Variants in KCNIP4 observed in about 807,000 individuals in gnomAD.
KCNIP4 encodes potassium voltage-gated channel interacting protein 4.
KCNIP4 carries 12 observed loss-of-function variants against 34.0 expected under a neutral mutation model. The ratio of observed to expected loss-of-function variants is 0.35; its 90% CI spans 0.23 to 0.57. The LOEUF (loss-of-function observed/expected upper bound fraction) is 0.57. Among genes scored for constraint, KCNIP4 ranks in the 20% least tolerant of loss-of-function variants. The pLI is 0.83. For missense variants in KCNIP4, 238 were observed against 311.7 expected (o/e 0.76, Z 1.78); for synonymous variants, 124 against 102.2 (o/e 1.21, Z -1.29).
At position 20,836,740 on chromosome 4, in the gene KCNIP4, C is replaced by G. The variant is rs543420950; in HGVS notation, c.288+13803G>C. Among the ~76,000 whole-genome samples, 5 of 152,234 alleles carry G rather than the reference C, an allele frequency of 3.3e-5. No individual in the cohort carries two copies. The South Asian group carries it at 1.0e-3, about 32-fold the overall frequency. ...TAATCACATCTACAAAATATCTTCACAGTAAAATATAGATTAGTATTTGAC... is the reference window on the plus strand; with the variant it reads ...TAATCACATCTACAAAATATCTTCAGAGTAAAATATAGATTAGTATTTGAC... On this transcript the variant is annotated intron_variant, in intron 3 of 8. Coordinates refer to ENST00000382152, the MANE Select transcript of KCNIP4 (RefSeq NM_025221.6).
At chr4:20,824,795 G>A (rs1368861893) in intron 3 of KCNIP4, among the ~76,000 whole-genome samples, 2 of 149,322 alleles carry the variant, frequency 1.3e-5, no homozygotes, top group Non-Finnish European at 3.0e-5. Flanking sequence ...TTAAAGGATT[G>A]TCCCATGTAA....
chr4:21,524,900 A>T (rs1033582138), intron 1 of KCNIP4, among the ~76,000 whole-genome samples: 1 of 152,152 alleles, frequency 6.6e-6, no homozygotes, highest in Non-Finnish European at 1.5e-5. Context: ...TACTTGAACA[A>T]CCACAAATTC....
At chr4:21,172,031 G>T (rs1754055606) in intron 1 of KCNIP4, among the ~76,000 whole-genome samples, 1 of 152,054 alleles carries the variant, frequency 6.6e-6, no homozygotes, top group African/African-American at 2.4e-5. Flanking sequence ...ATGTTGTTTT[G>T]TTTTGTTTTG....
chr4:21,904,469 C>T (rs967938186), intron 1 of KCNIP4, among the ~76,000 whole-genome samples: 10 of 152,168 alleles, frequency 6.6e-5, no homozygotes, highest in Non-Finnish European at 1.3e-4. Context: ...ATTCATTTTG[C>T]TTTCCTTAAA....
At chr4:20,811,505 G>T (rs1715750398) in intron 3 of KCNIP4, among the ~76,000 whole-genome samples, 2 of 96,810 alleles carry the variant, frequency 2.1e-5, no homozygotes, top group African/African-American at 7.1e-5. Flanking sequence ...GTGTGTGTGT[G>T]TGTGTGTGTG....
chr4:21,360,832 A>AGAC (rs1210255026), intron 1 of KCNIP4, among the ~76,000 whole-genome samples: 1 of 152,138 alleles, frequency 6.6e-6, no homozygotes, highest in African/African-American at 2.4e-5. Flanking sequence ...GGTCATGTTT[A>AGAC]GACAACAGGA....
chr4:20,836,800 C>T (rs1231499209), intron 3 of KCNIP4, among the ~76,000 whole-genome samples: 3 of 151,976 alleles, frequency 2.0e-5, no homozygotes, highest in African/African-American at 7.2e-5. Context: ...GCTTAGTTGA[C>T]ATATAAAACT....
intron 1 of KCNIP4, among the ~76,000 whole-genome samples, chr4:21,813,252 T>C (rs1443581799): frequency 2.0e-5 from 3 of 152,212 alleles, no homozygotes; most frequent in African/African-American, 4.8e-5. Flanking sequence ...CTAGCATCAG[T>C]TTCTATTTTC....
chr4:21,817,094 T>C (rs921717489), intron 1 of KCNIP4, among the ~76,000 whole-genome samples: 5 of 152,178 alleles, frequency 3.3e-5, no homozygotes, highest in Non-Finnish European at 5.9e-5. Flanking sequence ...TTTGCTCTTA[T>C]TATCTTCATT....
intron 1 of KCNIP4, among the ~76,000 whole-genome samples, chr4:21,770,171 C>A (rs1718684266): frequency 6.6e-6 from 1 of 152,070 alleles, no homozygotes; most frequent in South Asian, 2.1e-4. Flanking sequence ...TCTCTGTGTC[C>A]ATGTATTCTC....
At chr4:21,940,165 G>A (rs943915794) in intron 1 of KCNIP4, among the ~76,000 whole-genome samples, 1 of 152,144 alleles carries the variant, frequency 6.6e-6, no homozygotes, top group Non-Finnish European at 1.5e-5. Flanking sequence ...AAATAGCTTA[G>A]ATAATGTAAT....
chr4:21,298,830 T>C (rs753689507), intron 1 of KCNIP4, among the ~76,000 whole-genome samples: 1 of 152,210 alleles, frequency 6.6e-6, no homozygotes, highest in Non-Finnish European at 1.5e-5. Context: ...ATTTCATGCA[T>C]AGAATGCGTC....
chr4:21,350,204 A>G (rs911427241), intron 1 of KCNIP4, among the ~76,000 whole-genome samples: 7 of 152,188 alleles, frequency 4.6e-5, no homozygotes, highest in African/African-American at 1.7e-4. Context: ...TGACATTTTA[A>G]CTAAGAATTT....
chr4:21,536,368 G>C (rs534335988), intron 1 of KCNIP4, among the ~76,000 whole-genome samples: 1 of 152,218 alleles, frequency 6.6e-6, no homozygotes, highest in African/African-American at 2.4e-5. Flanking sequence ...AGTATTTTGT[G>C]TATTTGTTTT....
chr4:21,889,525 C>T (rs978916352), intron 1 of KCNIP4, among the ~76,000 whole-genome samples: 3 of 152,076 alleles, frequency 2.0e-5, no homozygotes, highest in East Asian at 1.9e-4. Flanking sequence ...CCATGCAAGG[C>T]AGGAGCTATC....
At chr4:21,415,327 C>G (rs1190964099) in intron 1 of KCNIP4, among the ~76,000 whole-genome samples, 1 of 151,892 alleles carries the variant, frequency 6.6e-6, no homozygotes, top group Non-Finnish European at 1.5e-5. Flanking sequence ...TACTTTCTGT[C>G]CATGGACAGA....
chr4:21,266,082 A>G (rs1261781557), intron 1 of KCNIP4, among the ~76,000 whole-genome samples: 1 of 152,200 alleles, frequency 6.6e-6, no homozygotes, highest in Non-Finnish European at 1.5e-5. Flanking sequence ...TGGGGGTTTA[A>G]AGAGATTTAG....
chr4:20,824,385 A>G (rs1353553055), intron 3 of KCNIP4, among the ~76,000 whole-genome samples: 1 of 152,216 alleles, frequency 6.6e-6, no homozygotes, highest in East Asian at 1.9e-4. Flanking sequence ...TAAAAATTAA[A>G]AATGTGATTC....
At chr4:21,590,706 C>T (rs1742133290) in intron 1 of KCNIP4, among the ~76,000 whole-genome samples, 1 of 151,920 alleles carries the variant, frequency 6.6e-6, no homozygotes, top group East Asian at 1.9e-4. Flanking sequence ...TATGTGATCC[C>T]AATGGGTCAT....
Sources: gnomAD v4.1 joint callset for allele counts (sites outside exome capture counted in the v4.1 genomes callset) on GRCh38, gnomAD v4.1.1 for gene constraint, MANE v1.5 for transcripts, NCBI Gene and HGNC (gene_info 2026-07-23, HGNC 2026-07-21) for gene names.